TMEM87B: variants seen among roughly 807,000 people sequenced by gnomAD.
TMEM87B encodes the protein transmembrane protein 87B.
In TMEM87B, 83 loss-of-function variants were observed where a neutral mutation model predicts 80.3. That is an observed-to-expected ratio of 1.03 (90% CI 0.87 to 1.24). The LOEUF is 1.24. Ranked by LOEUF, TMEM87B falls within the 50% of genes most tolerant of loss-of-function variation. The probability of loss-of-function intolerance (pLI) is 0.00; values close to 1 mark genes in which losing one functional copy is unlikely to be tolerated. For synonymous variants in TMEM87B, 219 were observed against 230.5 expected (o/e 0.95, Z 0.45); for missense variants, 625 against 674.4 (o/e 0.93, Z 0.81).
intron 8 of TMEM87B, among the ~76,000 whole-genome samples, chr2:112,083,179 T>G (rs1679051462): frequency 6.6e-6 from 1 of 152,196 alleles, no homozygotes; most frequent in African/African-American, 2.4e-5. Flanking sequence ...TTTTTTTGTT[T>G]TGGGATGCTA....
chr2:112,065,825 GGT>G (rs544239802), intron 3 of TMEM87B, among the ~76,000 whole-genome samples: 96 of 151,774 alleles, frequency 6.3e-4, no homozygotes, highest in African/African-American at 1.9e-3. Context: ...CCCCCTTTTT[GGT>G]GTGTCATGGC....
At chr2:112,060,162 A>G (rs557651239) in intron 2 of TMEM87B, 125 bp downstream of exon 2, 7 of 1,103,182 alleles carry the variant, frequency 6.3e-6, no homozygotes, top group African/African-American at 1.6e-5. Context: ...CCTGGCCAAC[A>G]TAGTGAAACC....
intron 9 of TMEM87B, among the ~76,000 whole-genome samples, chr2:112,087,547 T>C (rs1679184277): frequency 6.6e-6 from 1 of 152,020 alleles, no homozygotes; most frequent in South Asian, 2.1e-4. Context: ...TTTCCTCTTC[T>C]TGATAGTCAC....
At chr2:112,077,038 C>CA (rs35044756) in intron 5 of TMEM87B, among the ~76,000 whole-genome samples, 154 bp from the exon 6 acceptor site, 34,241 of 84,876 alleles carry the variant, frequency 0.4, 5,943 homozygotes, top group Middle Eastern at 0.58. Context: ...ACCCCCATCT[C>CA]AAAAAAAAAA....
intron 17 of TMEM87B, among the ~76,000 whole-genome samples, chr2:112,108,201 A>G (rs922578636): frequency 3.3e-5 from 5 of 152,168 alleles, no homozygotes; most frequent in African/African-American, 1.2e-4. Context: ...CTTTTGGAGG[A>G]AAAACATGAG....
chr2:112,078,517 G>A (rs1236060978), intron 6 of TMEM87B, among the ~76,000 whole-genome samples: 5 of 152,174 alleles, frequency 3.3e-5, no homozygotes, highest in African/African-American at 1.2e-4. Context: ...TGAGGACAGA[G>A]CCCTCATGAC....
chr2:112,060,855 T>A (rs1473660218), intron 2 of TMEM87B, among the ~76,000 whole-genome samples: 1 of 152,218 alleles, frequency 6.6e-6, no homozygotes, highest in African/African-American at 2.4e-5. Context: ...TGGATTTTTC[T>A]GATCTTCTTT....
intron 4 of TMEM87B, among the ~76,000 whole-genome samples, chr2:112,074,053 A>T (rs1367853849): frequency 6.6e-6 from 1 of 152,096 alleles, no homozygotes; most frequent in Non-Finnish European, 1.5e-5. Context: ...ATCCAGCTTG[A>T]CATTCTGTGC....
chr2:112,117,800 C>T lies in TMEM87B; in HGVS notation c.*1657C>T, dbSNP rs941342345. 2.6e-5 allele frequency: 4 copies of T among 152,142 alleles called. No homozygotes were observed. The highest frequency in any genetic ancestry group is 9.7e-5 in the African/African-American group (4 of 41,430). 9.4% of individuals were successfully genotyped at this position (152,142 alleles called of 1,614,324 possible). A position where few individuals can be genotyped will look rare whatever the true frequency, so the allele number is the denominator to read the frequency against. On this transcript the variant is annotated 3_prime_UTR_variant, in exon 19 of 19. Transcript: ENST00000283206. ...CCCCTTAGCCCAGTAACATTTTTAT[C>T]TAATACCCCATTCCCCAAGTTTTGA...
intron 11 of TMEM87B, among the ~76,000 whole-genome samples, chr2:112,092,974 GTTCT>G (rs1284172852): frequency 6.6e-6 from 1 of 152,104 alleles, no homozygotes; most frequent in African/African-American, 2.4e-5. Flanking sequence ...TTTTTGCCAA[GTTCT>G]TTGTTTCCTC....
intron 3 of TMEM87B, 77 bp downstream of exon 3, chr2:112,064,330 G>A (rs575768532): frequency 9.0e-5 from 109 of 1,214,502 alleles, no homozygotes; most frequent in South Asian, 1.2e-4. Flanking sequence ...CTCATCAAGC[G>A]AGGAGGCTAG....
intron 2 of TMEM87B, among the ~76,000 whole-genome samples, chr2:112,062,903 T>C (rs1678299217): frequency 6.6e-6 from 1 of 152,200 alleles, no homozygotes; most frequent in Non-Finnish European, 1.5e-5. Flanking sequence ...CTGAGAATTG[T>C]TGGGCTTGTT....
chr2:112,070,254 T>C (rs1475577579), intron 4 of TMEM87B, among the ~76,000 whole-genome samples: 1 of 152,244 alleles, frequency 6.6e-6, no homozygotes, highest in Non-Finnish European at 1.5e-5. Context: ...TCACCTGTCC[T>C]ATGTCCAGAA....
chr2:112,060,416 T>A (rs1286761956), intron 2 of TMEM87B, among the ~76,000 whole-genome samples: 1 of 152,156 alleles, frequency 6.6e-6, no homozygotes, highest in Admixed American at 6.5e-5. Context: ...AACAAATACA[T>A]TCATGTAAAT....
intron 4 of TMEM87B, among the ~76,000 whole-genome samples, chr2:112,067,707 TCTTC>T (rs1196686606): frequency 9.2e-5 from 14 of 152,222 alleles, no homozygotes; most frequent in Non-Finnish European, 2.1e-4. Context: ...TATCTCTCAC[TCTTC>T]CTTCTGTCAA....
rs989121848 is a variant in TMEM87B, at chr2:112,076,515, T to A, written c.502-677T>A. Reference sequence around the variant, plus strand: ...CCACCACACCCGGCTAATTTTTGTATTTTTAGTAGAGACAGGGTTTTGCCA... The same window carrying A: ...CCACCACACCCGGCTAATTTTTGTAATTTTAGTAGAGACAGGGTTTTGCCA... On this transcript the variant is annotated intron_variant, in intron 5 of 18. Transcript: ENST00000283206. Among the ~76,000 whole-genome samples the A allele has an allele frequency of 2.0e-5, 3 of 152,086 alleles. No individual in the cohort carries two copies. In the Middle Eastern group the frequency reaches 0.01, roughly 517 times the overall value.
intron 18 of TMEM87B, 104 bp downstream of exon 18, chr2:112,113,033 T>C: frequency 9.3e-7 from 1 of 1,069,890 alleles, no homozygotes; most frequent in Non-Finnish European, 1.4e-6. Flanking sequence ...TTATTATAAA[T>C]TGAACAGACA....
intron 2 of TMEM87B, among the ~76,000 whole-genome samples, chr2:112,062,814 C>A (rs1225990306): frequency 2.6e-5 from 4 of 152,098 alleles, no homozygotes; most frequent in Non-Finnish European, 5.9e-5. Context: ...TGCTTGTCTT[C>A]CAAATACCTG....
At position 112,060,004 on chromosome 2, in the gene TMEM87B, A is replaced by G. The variant is rs1444521154; in HGVS notation, c.193A>G (p.Thr65Ala). The G allele has an allele frequency of 3.1e-6, 5 of 1,593,416 alleles. No individual in the cohort carries two copies. The highest frequency in any genetic ancestry group is 1.3e-5 in the African/African-American group (1 of 74,482). The stretch of plus-strand genomic sequence containing the variant: ...ATCAGGACCTTTGATATTTAGGAAA[A>G]CTATGTTTAACTCTACAGATATCAA... ...DKSGPLIFRK[T>A]MFNSTDIKLS... Residue 65 changes from threonine to alanine, a missense_variant, in exon 2 of 19, where the codon ACT becomes GCT. By Grantham distance (58) the Thr-to-Ala change is moderately conservative (BLOSUM62 0). Coordinates refer to ENST00000283206, the MANE Select transcript of TMEM87B (RefSeq NM_032824.3).
Sources: gnomAD v4.1 joint callset for allele counts (sites outside exome capture counted in the v4.1 genomes callset) on GRCh38, gnomAD v4.1.1 for gene constraint, MANE v1.5 for transcripts, NCBI Gene and HGNC (gene_info 2026-07-23, HGNC 2026-07-21) for gene names.